The following CCDC15 variants were observed in gnomAD, a reference collection of about 807,000 sequenced individuals.
CCDC15 encodes coiled-coil domain-containing protein 15.
Under a neutral mutation model 114.5 loss-of-function variants are expected in CCDC15, and 105 were observed. The ratio of observed to expected loss-of-function variants is 0.92; its 90% CI spans 0.78 to 1.08. CCDC15 has a LOEUF of 1.08. Ranked by LOEUF, CCDC15 falls within the 50% of genes least tolerant of loss-of-function variation. CCDC15 has a pLI of 0.00. For synonymous variants in CCDC15, 334 were observed against 377.8 expected (o/e 0.88, Z 1.34); for missense variants, 1,105 against 1,093.6 (o/e 1.01, Z -0.15).
At chr11:124,993,975 G>A (rs755476944) in intron 11 of CCDC15, among the ~76,000 whole-genome samples, 2 of 152,144 alleles carry the variant, frequency 1.3e-5, no homozygotes, top group African/African-American at 2.4e-5. Flanking sequence ...TGCTTCGCAG[G>A]TAGAGTTAAG....
chr11:124,991,389 AGC>A, intron 8 of CCDC15, 70 bp from the exon 9 acceptor site: 1 of 1,058,422 alleles, frequency 9.4e-7, no homozygotes, highest in Admixed American at 2.7e-5. Context: ...CCTTCAATGA[AGC>A]CTAGAATATT....
At chr11:125,026,500 G>A (rs931302628) in intron 13 of CCDC15, among the ~76,000 whole-genome samples, 2 of 152,208 alleles carry the variant, frequency 1.3e-5, no homozygotes, top group African/African-American at 2.4e-5. Flanking sequence ...GCAATATGAA[G>A]TTAAAACCAG....
chr11:125,039,840 C>T (rs1423735077), intron 15 of CCDC15, among the ~76,000 whole-genome samples: 1 of 152,140 alleles, frequency 6.6e-6, no homozygotes, highest in Admixed American at 6.5e-5. Context: ...ATCAAAGTTG[C>T]TATTCCCAGT....
At position 125,040,925 on chromosome 11, in the gene CCDC15, G is replaced by A. The variant is rs894174371; in HGVS notation, c.*214G>A. 4 of 510,326 alleles carry A rather than the reference G, an allele frequency of 7.8e-6. No homozygotes were observed. The highest frequency in any genetic ancestry group is 6.5e-5 in the East Asian group (2 of 30,658). 31.6% of individuals were successfully genotyped at this position (510,326 alleles called of 1,614,324 possible). A position where few individuals can be genotyped will look rare whatever the true frequency, so the allele number is the denominator to read the frequency against. On this transcript the variant is annotated 3_prime_UTR_variant, in exon 16 of 16. Transcript: ENST00000344762. ...CTCTCTTCTGTCTTGTGAACCATAC[G>A]GAGCCTATTATTTTAAAATATGATC... is the stretch of plus-strand genomic sequence containing the variant.
At chr11:124,964,069 G>T (rs1437227665) in intron 4 of CCDC15, among the ~76,000 whole-genome samples, 1 of 152,176 alleles carries the variant, frequency 6.6e-6, no homozygotes, top group Non-Finnish European at 1.5e-5. Flanking sequence ...TTGAAGTCAG[G>T]TAGCGTGATG....
intron 13 of CCDC15, among the ~76,000 whole-genome samples, chr11:125,032,089 T>G (rs1422693746): frequency 6.6e-6 from 1 of 152,230 alleles, no homozygotes; most frequent in Non-Finnish European, 1.5e-5. Flanking sequence ...CGTGCAAATG[T>G]CTCACCAATA....
intron 13 of CCDC15, among the ~76,000 whole-genome samples, chr11:125,017,349 C>G (rs1050759873): frequency 6.6e-6 from 1 of 152,030 alleles, no homozygotes; most frequent in African/African-American, 2.4e-5. Context: ...CAGATAAATA[C>G]GGTCATGCAC....
intron 5 of CCDC15, among the ~76,000 whole-genome samples, chr11:124,975,528 G>T (rs1947958917): frequency 6.6e-6 from 1 of 152,190 alleles, no homozygotes; most frequent in Non-Finnish European, 1.5e-5. Flanking sequence ...GAATGTCTGT[G>T]ATTGCCAGCA....
At chr11:125,025,055 A>AATATATATATTC (rs1228442486) in intron 13 of CCDC15, among the ~76,000 whole-genome samples, 1 of 123,498 alleles carries the variant, frequency 8.1e-6, no homozygotes, top group Non-Finnish European at 1.6e-5. Flanking sequence ...AATATATATG[A>AATATATATATTC]ATATATATAT....
rs116627085 is a variant in CCDC15, at chr11:124,961,916, T to C, written c.516+1913T>C. On this transcript the variant is annotated intron_variant, in intron 4 of 15. Coordinates refer to ENST00000344762, the MANE Select transcript of CCDC15 (RefSeq NM_025004.3). ...GTATTTGGGAATAAGTAATGGAACC[T>C]TTCTAATTGGTAGTTTATAATGGAG... Among the ~76,000 whole-genome samples the C allele has an allele frequency of 8.8e-3, 1,340 of 152,264 alleles. 27 individuals carry two copies. The highest frequency in any genetic ancestry group is 0.031 in the African/African-American group (1,278 of 41,540).
At chr11:125,014,080 T>C (rs919353252) in intron 13 of CCDC15, among the ~76,000 whole-genome samples, 18 of 152,268 alleles carry the variant, frequency 1.2e-4, no homozygotes, top group African/African-American at 3.9e-4. Context: ...TGAGGAGATG[T>C]AGAGTTCAGG....
chr11:125,023,753 T>C (rs956803180), intron 13 of CCDC15, among the ~76,000 whole-genome samples: 2 of 151,970 alleles, frequency 1.3e-5, no homozygotes, highest in Admixed American at 1.3e-4. Flanking sequence ...CAATAGCTGA[T>C]GAATGGAAAC....
In CCDC15 at chr11:125,000,471, T is replaced by C. The variant is rs78228968; in HGVS notation, c.2215-3396T>C. On this transcript the variant is annotated intron_variant, in intron 11 of 15. Transcript: ENST00000344762. The stretch of plus-strand genomic sequence containing the variant: ...TCTAGGTTACCCCCTATGCTCTCCA[T>C]AGGGGGTAGATCCCAGGAGCTACAT... Among the ~76,000 whole-genome samples the C allele has an allele frequency of 2.6e-3, 403 of 152,166 alleles. 4 individuals carry two copies. The highest frequency in any genetic ancestry group is 9.0e-3 in the African/African-American group (374 of 41,526).
At chr11:125,022,538 A>C (rs1011486071) in intron 13 of CCDC15, among the ~76,000 whole-genome samples, 1 of 151,936 alleles carries the variant, frequency 6.6e-6, no homozygotes. Context: ...ATCTGGACAG[A>C]CTTGGTTTCA....
chr11:124,996,802 A>G (rs1948379832), intron 11 of CCDC15, among the ~76,000 whole-genome samples: 1 of 152,184 alleles, frequency 6.6e-6, no homozygotes, highest in Admixed American at 6.5e-5. Context: ...ATCATACAGT[A>G]TTTGCCCTTT....
chr11:124,984,509 G>C (rs1465609924), intron 6 of CCDC15, among the ~76,000 whole-genome samples: 2 of 152,130 alleles, frequency 1.3e-5, no homozygotes, highest in African/African-American at 4.8e-5. Flanking sequence ...TCTCCTAGGG[G>C]AGCAAGGTGG....
Position 124,986,700 on chromosome 11 carries a change from T to TGTGTGTGTGTGTGTGTGCGCGC in CCDC15, c.754-41_754-40insTGTGTGTGTGTGTGTGCGCGCG, listed in dbSNP as rs878887902. On this transcript the variant is annotated intron_variant, in intron 6 of 15. Transcript: ENST00000344762. The stretch of plus-strand genomic sequence containing the variant: ...GTGTGTGTGTGTGTGTTTGTGTGTG[T>TGTGTGTGTGTGTGTGTGCGCGC]GCGCGCGCGCGCGTGCGCGTTTTCA... 2.2e-6 allele frequency: 3 copies of TGTGTGTGTGTGTGTGTGCGCGC among 1,352,954 alleles called. No homozygotes were observed. The African/African-American group carries it at 4.9e-5, about 22-fold the overall frequency. 83.8% of individuals were successfully genotyped at this position (1,352,954 alleles called of 1,614,324 possible).
rs771636206 is a variant in CCDC15, at chr11:125,003,933, GT to G, written c.2282del (p.Val761GlyfsTer15). 6 of 1,550,242 alleles carry G rather than the reference GT, an allele frequency of 3.9e-6. No homozygotes were observed. The highest frequency in any genetic ancestry group is 4.3e-5 in the Admixed American group (2 of 46,678). Reference protein sequence around the residue: ...FQAPLAFQSDVDKEEDKKERQ... With the variant: ...FQAPLAFQSDXDKEEDKKERQ... ...AGCTCCACTGGCATTTCAGTCTGACGTGGATAAAGAAGAAGATAAGAAAGAG... is the reference window on the plus strand; with the variant it reads ...AGCTCCACTGGCATTTCAGTCTGACGGGATAAAGAAGAAGATAAGAAAGAG... On this transcript the variant is annotated frameshift_variant, in exon 12 of 16. Transcript: ENST00000344762. LOFTEE classifies it high-confidence loss of function.
At chr11:125,021,501 C>T (rs1281914513) in intron 13 of CCDC15, among the ~76,000 whole-genome samples, 1 of 151,516 alleles carries the variant, frequency 6.6e-6, no homozygotes, top group East Asian at 1.9e-4. Context: ...GGTTTTTTGC[C>T]TCCTTGGGGA....
Sources: allele counts gnomAD v4.1 joint callset (sites outside exome capture counted in the v4.1 genomes callset), GRCh38; gene constraint gnomAD v4.1.1; transcripts MANE v1.5; gene names NCBI Gene and HGNC (gene_info 2026-07-23, HGNC 2026-07-21).